Variants in DEPDC5 observed in about 807,000 individuals in gnomAD.
DEPDC5 encodes the protein DEP domain containing 5, GATOR1 subcomplex subunit, also known as GATOR1 complex protein DEPDC5.
Under a neutral mutation model 217.3 loss-of-function variants are expected in DEPDC5, and 73 were observed. That is an observed-to-expected ratio of 0.34 (90% CI 0.28 to 0.41). DEPDC5 has a LOEUF of 0.41. Among genes scored for constraint, DEPDC5 ranks in the 10% least tolerant of loss-of-function variants. The pLI is 1.00. For synonymous variants in DEPDC5, 733 were observed against 756.7 expected (o/e 0.97, Z 0.51); for missense variants, 1,675 against 2,070.1 (o/e 0.81, Z 3.70).
chr22:31,764,236 T>C (rs529439978), intron 4 of DEPDC5, among the ~76,000 whole-genome samples: 2 of 152,232 alleles, frequency 1.3e-5, no homozygotes, highest in African/African-American at 4.8e-5. Flanking sequence ...ACCTTAATCC[T>C]AAGAATGGCC....
At chr22:31,825,112 A>G (rs773073156) in intron 24 of DEPDC5, among the ~76,000 whole-genome samples, 1 of 151,950 alleles carries the variant, frequency 6.6e-6, no homozygotes, top group Non-Finnish European at 1.5e-5. Context: ...GAGGAGGGCT[A>G]CTCTGGGACT....
At chr22:31,898,051 C>T (rs760069679) in intron 40 of DEPDC5, among the ~76,000 whole-genome samples, 16 of 152,062 alleles carry the variant, frequency 1.1e-4, no homozygotes, top group Non-Finnish European at 2.4e-4. Context: ...TATGCTATTT[C>T]GTGCAAAAAG....
rs2086419065 is a variant in DEPDC5, at chr22:31,797,794, C to T, written c.871+91C>T. 24 of 969,460 alleles carry T rather than the reference C, an allele frequency of 2.5e-5. No homozygotes were observed. The South Asian group carries it at 3.0e-4, about 12-fold the overall frequency. 60.1% of individuals were successfully genotyped at this position (969,460 alleles called of 1,614,324 possible). On this transcript the variant is annotated intron_variant, in intron 13 of 42. Transcript: ENST00000651528. ...AGAAGAGATGTGTGCTTGTTTCTCT[C>T]CCATTGCCGTGTGTAGTTTCTGCTT...
chr22:31,871,288 C>T (rs1466677710), intron 34 of DEPDC5, among the ~76,000 whole-genome samples: 3 of 152,140 alleles, frequency 2.0e-5, no homozygotes, highest in Non-Finnish European at 2.9e-5. Flanking sequence ...GTAATTATGC[C>T]GCAGTCTTTT....
chr22:31,834,219 C>T (rs898501988), intron 25 of DEPDC5: 10 of 535,450 alleles, frequency 1.9e-5, no homozygotes, highest in African/African-American at 1.7e-4. Flanking sequence ...GGAAAGGTAG[C>T]AGATTCCCTA....
intron 33 of DEPDC5, among the ~76,000 whole-genome samples, chr22:31,864,451 G>A (rs1210254269): frequency 6.8e-6 from 1 of 146,248 alleles, no homozygotes; most frequent in Non-Finnish European, 1.5e-5. Context: ...CAATGTTAGG[G>A]AGCTGTGTTA....
chr22:31,821,475 A>G (rs111356342), intron 22 of DEPDC5, 27 bp from the exon 23 acceptor site: 16 of 1,612,386 alleles, frequency 9.9e-6, no homozygotes, highest in African/African-American at 9.3e-5. Flanking sequence ...GGTGGGAATG[A>G]TGCTCAGTGG....
At position 31,792,874 on chromosome 22, in the gene DEPDC5, A is replaced by G. The variant is rs578044215; in HGVS notation, c.767+57A>G. The G allele has an allele frequency of 3.6e-5, 50 of 1,384,796 alleles. No individual in the cohort carries two copies. The African/African-American group carries it at 7.6e-4, about 21-fold the overall frequency. The allele number at this position is 1,384,796 out of a possible 1,614,324, so 85.8% of individuals were successfully genotyped here. ...TTATTTATTAGTTGTTTCTTTCCTA[A>G]CTTAAAAATAAGTCAGCCTGGGCAA... On this transcript the variant is annotated intron_variant, in intron 12 of 42. Transcript: ENST00000651528.
At chr22:31,774,734 T>A (rs1191062116) in intron 7 of DEPDC5, among the ~76,000 whole-genome samples, 1 of 152,074 alleles carries the variant, frequency 6.6e-6, no homozygotes, top group Non-Finnish European at 1.5e-5. Context: ...TTTCACCTAC[T>A]TGGGAGTCTG....
intron 24 of DEPDC5, among the ~76,000 whole-genome samples, chr22:31,828,702 G>A (rs1365090685): frequency 6.6e-6 from 1 of 152,070 alleles, no homozygotes; most frequent in African/African-American, 2.4e-5. Flanking sequence ...CATGGAACAT[G>A]TTTTGCCTTC....
At chr22:31,892,945 G>A (rs1420779904) in intron 38 of DEPDC5, among the ~76,000 whole-genome samples, 6 of 146,216 alleles carry the variant, frequency 4.1e-5, no homozygotes, top group East Asian at 4.1e-4. Flanking sequence ...GCGCGATCTC[G>A]GCTCACTGCA....
At chr22:31,804,012 T>G in intron 15 of DEPDC5, 150 bp from the exon 16 acceptor site, 1 of 670,912 alleles carries the variant, frequency 1.5e-6, no homozygotes, top group Non-Finnish European at 2.5e-6. Flanking sequence ...TATTTACTTC[T>G]TTGTTGGATA....
intron 12 of DEPDC5, among the ~76,000 whole-genome samples, chr22:31,796,920 C>G (rs1367031682): frequency 2.0e-5 from 3 of 151,782 alleles, no homozygotes. Context: ...TGGTCTTGAA[C>G]TCCTGACCAC....
At position 31,833,855 on chromosome 22, in the gene DEPDC5, G is replaced by A. The variant is rs367871131; in HGVS notation, c.2105-60G>A. On this transcript the variant is annotated intron_variant, in intron 24 of 42. Coordinates refer to ENST00000651528, the MANE Select transcript of DEPDC5 (RefSeq NM_001242896.3). ...CAGTTTGCCTTTTTCAACCATAACT[G>A]GTCAGAACTCTTTTGCAGAGTGAGC... 1.3e-5 allele frequency: 18 copies of A among 1,413,622 alleles called. No individual in the cohort carries two copies. In the African/African-American group the frequency reaches 2.3e-4, roughly 18 times the overall value. 87.6% of individuals were successfully genotyped at this position (1,413,622 alleles called of 1,614,324 possible).
chr22:31,861,870 G>A (rs1458108788), intron 33 of DEPDC5, among the ~76,000 whole-genome samples: 1 of 152,286 alleles, frequency 6.6e-6, no homozygotes, highest in East Asian at 1.9e-4. Context: ...TTTATTCATA[G>A]GCATGTGCTA....
intron 32 of DEPDC5, among the ~76,000 whole-genome samples, 189 bp from the exon 33 acceptor site, chr22:31,861,179 T>TC (rs1491423925): frequency 7.7e-5 from 11 of 142,186 alleles, no homozygotes; most frequent in Middle Eastern, 3.8e-3. Flanking sequence ...TCTCTCTCTC[T>TC]TTTTTTTTTT....
chr22:31,862,923 T>G (rs1314164767), intron 33 of DEPDC5, among the ~76,000 whole-genome samples: 2 of 152,216 alleles, frequency 1.3e-5, no homozygotes, highest in Non-Finnish European at 2.9e-5. Context: ...TTTCTTTTTT[T>G]TAGAGGTAGT....
At position 31,906,340 on chromosome 22, in the gene DEPDC5, C is replaced by A. The variant is rs771718127; in HGVS notation, c.4655C>A (p.Thr1552Asn). Residue 1552 changes from threonine (T) to asparagine (N), a missense_variant, in exon 43 of 43, where the codon ACC becomes AAC. Physicochemically the swap from Thr to Asn is moderately conservative, Grantham distance 65. Around this residue, in one of 11 missense-constraint regions of DEPDC5, gnomAD observed 49 missense variants for 74.7 expected, o/e 0.66. Transcript: ENST00000651528. The surrounding 1 kb of genome is among the most constrained non-coding windows in gnomAD (Gnocchi z 5.1). ...GTCGGCTACAACTGGGCCTACAACA[C>A]CATGCTCACCAAAACATGGCGCTCC... ...ERVGYNWAYN[T>N]MLTKTWRSSA... is the part of the protein sequence containing the mutation. 8 of 1,613,934 alleles carry A rather than the reference C, an allele frequency of 5.0e-6. No homozygotes were observed. The East Asian group carries it at 1.8e-4, about 36-fold the overall frequency.
intron 33 of DEPDC5, among the ~76,000 whole-genome samples, chr22:31,864,526 T>A (rs200028121): frequency 0.079 from 9,112 of 115,886 alleles, 502 homozygotes; most frequent in Non-Finnish European, 0.11. Context: ...ATATATATAT[T>A]TATATATTTA....
Sources: gnomAD v4.1 joint callset for allele counts (sites outside exome capture counted in the v4.1 genomes callset) on GRCh38, gnomAD v4.1.1 for gene constraint, gnomAD v4.1.1 regional missense constraint, Gnocchi (gnomAD v3.1) non-coding constraint, MANE v1.5 for transcripts, NCBI Gene and HGNC (gene_info 2026-07-23, HGNC 2026-07-21) for gene names.